SERPINI1: variants seen among roughly 807,000 people sequenced by gnomAD.
The protein encoded by SERPINI1 is serpin family I member 1, also known as neuroserpin.
A neutral mutation model predicts 41.1 loss-of-function variants in SERPINI1; 19 were observed. The observed-to-expected ratio is 0.46, with a 90% CI of 0.32 to 0.68. The LOEUF is 0.68. Ranked by LOEUF, SERPINI1 falls within the 30% of genes least tolerant of loss-of-function variation. The pLI, the probability that SERPINI1 is intolerant of heterozygous loss-of-function variation, is 0.03. For synonymous variants in SERPINI1, 138 were observed against 156.6 expected (o/e 0.88, Z 0.89); for missense variants, 460 against 479.2 (o/e 0.96, Z 0.37).
chr3:167,749,866 A>G (rs904056167), intron 1 of SERPINI1, among the ~76,000 whole-genome samples: 1 of 152,244 alleles, frequency 6.6e-6, no homozygotes, highest in Admixed American at 6.5e-5. Context: ...CTAAGAAAGC[A>G]TAGGTGCCGG....
chr3:167,775,249 A>G (rs573644586), intron 1 of SERPINI1, among the ~76,000 whole-genome samples: 9 of 145,898 alleles, frequency 6.2e-5, no homozygotes, highest in African/African-American at 1.2e-4. Flanking sequence ...TATTATTATT[A>G]TTATTATTAT....
intron 1 of SERPINI1, among the ~76,000 whole-genome samples, chr3:167,769,011 T>C (rs1726655940): frequency 6.6e-6 from 1 of 151,918 alleles, no homozygotes; most frequent in Non-Finnish European, 1.5e-5. Flanking sequence ...TTTGTTTGTT[T>C]TGAGATGGAG....
At chr3:167,770,358 A>C (rs1330466567) in intron 1 of SERPINI1, among the ~76,000 whole-genome samples, 1 of 152,052 alleles carries the variant, frequency 6.6e-6, no homozygotes, top group Non-Finnish European at 1.5e-5. Context: ...TGTTCTCCCA[A>C]CACAAGTTAT....
At chr3:167,779,396 A>G (rs1337979859) in intron 1 of SERPINI1, among the ~76,000 whole-genome samples, 5 of 152,216 alleles carry the variant, frequency 3.3e-5, no homozygotes, top group African/African-American at 7.2e-5. Flanking sequence ...AGAAATACCA[A>G]AATACATTTG....
At chr3:167,745,606 G>A (rs1395744947) in intron 1 of SERPINI1, among the ~76,000 whole-genome samples, 1 of 151,934 alleles carries the variant, frequency 6.6e-6, no homozygotes, top group Admixed American at 6.6e-5. Flanking sequence ...TCCCATACTA[G>A]AAAGGAAGAA....
intron 1 of SERPINI1, among the ~76,000 whole-genome samples, chr3:167,746,954 ATGTT>A (rs1196282361): frequency 4.6e-5 from 7 of 152,216 alleles, no homozygotes; most frequent in African/African-American, 1.2e-4. Context: ...AGTTGAAAAA[ATGTT>A]TGTCTACACA....
At position 167,737,368 on chromosome 3, in the gene SERPINI1, A is replaced by G. The variant is rs1485346997; in HGVS notation, c.-19+1545A>G. Among the ~76,000 whole-genome samples the G allele has an allele frequency of 4.6e-5, 7 of 152,144 alleles. No homozygotes were observed. In the East Asian group the frequency reaches 1.3e-3, roughly 29 times the overall value. On this transcript the variant is annotated intron_variant, in intron 1 of 8. Coordinates refer to ENST00000446050, the MANE Select transcript of SERPINI1 (RefSeq NM_001122752.2). ...AAGAGCTTAGAAGAAAGAAAAAGCAACAGTAGCTGCTAAACTTAACCACTA... is the reference window on the plus strand; with the variant it reads ...AAGAGCTTAGAAGAAAGAAAAAGCAGCAGTAGCTGCTAAACTTAACCACTA...
At chr3:167,792,479 G>T in intron 3 of SERPINI1, 111 bp from the exon 4 acceptor site, 2 of 770,960 alleles carry the variant, frequency 2.6e-6, no homozygotes. Context: ...TGTAAATTTG[G>T]TGTACAGTTT....
At chr3:167,738,897 C>T (rs1725574093) in intron 1 of SERPINI1, among the ~76,000 whole-genome samples, 1 of 151,498 alleles carries the variant, frequency 6.6e-6, no homozygotes, top group Non-Finnish European at 1.5e-5. Flanking sequence ...TACCTGTATA[C>T]ACTAACTTCT....
intron 1 of SERPINI1, among the ~76,000 whole-genome samples, chr3:167,750,894 G>A (rs956406896): frequency 6.6e-6 from 1 of 151,988 alleles, no homozygotes; most frequent in African/African-American, 2.4e-5. Flanking sequence ...ATTGTACCTT[G>A]CATTCTTCAA....
intron 5 of SERPINI1, among the ~76,000 whole-genome samples, chr3:167,801,673 A>G (rs1301210119): frequency 6.6e-6 from 1 of 152,126 alleles, no homozygotes; most frequent in African/African-American, 2.4e-5. Flanking sequence ...ATTATTCATA[A>G]AAGGATTTGC....
At chr3:167,741,921 T>A (rs946870511) in intron 1 of SERPINI1, among the ~76,000 whole-genome samples, 4 of 152,048 alleles carry the variant, frequency 2.6e-5, no homozygotes, top group Non-Finnish European at 5.9e-5. Context: ...ACGAAACTTT[T>A]AAAAAAATTA....
intron 4 of SERPINI1, among the ~76,000 whole-genome samples, chr3:167,793,633 G>A (rs1413670523): frequency 2.0e-5 from 3 of 146,746 alleles, no homozygotes; most frequent in Non-Finnish European, 4.5e-5. Context: ...CATACCTATA[G>A]TCCTAGCTAC....
At chr3:167,766,224 T>TAAAAAAAAA (rs34346585) in intron 1 of SERPINI1, among the ~76,000 whole-genome samples, 1 of 126,132 alleles carries the variant, frequency 7.9e-6, no homozygotes, top group African/African-American at 2.9e-5. Flanking sequence ...GCAATTTACC[T>TAAAAAAAAA]AAAAAAAAAA....
At chr3:167,747,644 A>T (rs1223629168) in intron 1 of SERPINI1, among the ~76,000 whole-genome samples, 1 of 144,332 alleles carries the variant, frequency 6.9e-6, no homozygotes, top group Non-Finnish European at 1.6e-5. Context: ...ACTACGTCTC[A>T]AAACAACAAC....
chr3:167,776,069 G>A (rs1726961741), intron 1 of SERPINI1, among the ~76,000 whole-genome samples: 1 of 152,186 alleles, frequency 6.6e-6, no homozygotes, highest in African/African-American at 2.4e-5. Flanking sequence ...CAAGCCCACT[G>A]TCTAGGGAAG....
At chr3:167,803,443 T>C (rs1231747557) in intron 5 of SERPINI1, among the ~76,000 whole-genome samples, 26 of 152,148 alleles carry the variant, frequency 1.7e-4, no homozygotes, top group Non-Finnish European at 1.0e-4. Context: ...TGACATGTTA[T>C]ACATAACTAC....
intron 5 of SERPINI1, among the ~76,000 whole-genome samples, chr3:167,802,810 A>G (rs1278585090): frequency 3.3e-5 from 5 of 150,822 alleles, no homozygotes; most frequent in African/African-American, 4.9e-5. Context: ...TCATGCTGCT[A>G]TAAAGACACA....
chr3:167,819,542 A>T (rs1183001617), intron 6 of SERPINI1, among the ~76,000 whole-genome samples: 3 of 152,246 alleles, frequency 2.0e-5, no homozygotes, highest in Admixed American at 6.5e-5. Context: ...ATAATGCACT[A>T]CTTATATCTT....
Sources: allele counts gnomAD v4.1 joint callset (sites outside exome capture counted in the v4.1 genomes callset), GRCh38; gene constraint gnomAD v4.1.1; transcripts MANE v1.5; gene names NCBI Gene and HGNC (gene_info 2026-07-23, HGNC 2026-07-21).